Variants in SLC24A2 observed in about 807,000 individuals in gnomAD.
SLC24A2 encodes solute carrier family 24 member 2.
Under a neutral mutation model 62.0 loss-of-function variants are expected in SLC24A2, and 36 were observed. The ratio of observed to expected loss-of-function variants is 0.58; its 90% CI spans 0.44 to 0.77. The LOEUF is 0.77. Ranked by LOEUF, SLC24A2 falls within the 30% of genes least tolerant of loss-of-function variation. The pLI is 0.00. For missense variants in SLC24A2, 846 were observed against 817.9 expected (o/e 1.03, Z -0.42); for synonymous variants, 358 against 294.0 (o/e 1.22, Z -2.23).
At chr9:19,561,304 A>T (rs181510236) in intron 7 of SLC24A2, among the ~76,000 whole-genome samples, 2,676 of 151,404 alleles carry the variant, frequency 0.018, 16 homozygotes, top group African/African-American at 0.061. Flanking sequence ...CTTACCTCTT[A>T]TCCATAAGAT....
chr9:20,001,470 C>T, the SLC24A2 span, among the ~76,000 whole-genome samples: 2 of 152,228 alleles, frequency 1.3e-5, no homozygotes, highest in African/African-American at 4.8e-5. Flanking sequence ...CTCGCCCAAT[C>T]TGCTGAGCTG....
chr9:19,531,368 G>A (rs1225690816), intron 8 of SLC24A2, among the ~76,000 whole-genome samples: 1 of 152,150 alleles, frequency 6.6e-6, no homozygotes, highest in African/African-American at 2.4e-5. Flanking sequence ...TTGGAGCCAA[G>A]GTCTAACATG....
At chr9:20,239,237 A>G in the SLC24A2 span, among the ~76,000 whole-genome samples, 1 of 152,240 alleles carries the variant, frequency 6.6e-6, no homozygotes, top group African/African-American at 2.4e-5. Flanking sequence ...GTTACATTTG[A>G]ATTTCAGATA....
the SLC24A2 span, among the ~76,000 whole-genome samples, chr9:19,836,386 C>T: frequency 3.9e-5 from 6 of 152,118 alleles, 1 homozygote; most frequent in African/African-American, 1.2e-4. Context: ...TAAAAAATGA[C>T]AAAGGGGATA....
the SLC24A2 span, among the ~76,000 whole-genome samples, chr9:20,145,025 C>T: frequency 3.9e-5 from 6 of 151,992 alleles, no homozygotes; most frequent in East Asian, 5.8e-4. Flanking sequence ...GATAATCCAC[C>T]GAGCAGCAAC....
At chr9:19,543,271 G>T (rs1834371814) in intron 8 of SLC24A2, among the ~76,000 whole-genome samples, 1 of 152,070 alleles carries the variant, frequency 6.6e-6, no homozygotes, top group Admixed American at 6.6e-5. Flanking sequence ...GATCAGTGGT[G>T]ATATCCCCTT....
chr9:19,800,343 G>C, the SLC24A2 span, among the ~76,000 whole-genome samples: 2 of 152,234 alleles, frequency 1.3e-5, no homozygotes, highest in African/African-American at 4.8e-5. Flanking sequence ...TACTCTATTA[G>C]TCTATATCTT....
At chr9:20,183,560 A>C in the SLC24A2 span, among the ~76,000 whole-genome samples, 15 of 152,358 alleles carry the variant, frequency 9.8e-5, no homozygotes, top group African/African-American at 3.4e-4. Context: ...TTTTTAGGGA[A>C]TGCTTTTAGC....
intron 9 of SLC24A2, among the ~76,000 whole-genome samples, chr9:19,522,916 C>CTT (rs1833267443): frequency 6.6e-6 from 1 of 152,180 alleles, no homozygotes; most frequent in African/African-American, 2.4e-5. Flanking sequence ...TGAAGCATTG[C>CTT]CAAAGACTGA....
chr9:19,673,279 C>T (rs1819469207), intron 2 of SLC24A2, among the ~76,000 whole-genome samples: 1 of 146,516 alleles, frequency 6.8e-6, no homozygotes, highest in Non-Finnish European at 1.5e-5. Context: ...GTCCTTTTAT[C>T]ATTATATAAT....
intron 2 of SLC24A2, among the ~76,000 whole-genome samples, chr9:19,684,531 A>G (rs1378566576): frequency 6.6e-6 from 1 of 152,082 alleles, no homozygotes; most frequent in Non-Finnish European, 1.5e-5. Flanking sequence ...TAACAGCACC[A>G]AATAACTAAG....
At chr9:19,589,003 G>A (rs1241355990) in intron 5 of SLC24A2, among the ~76,000 whole-genome samples, 1 of 152,198 alleles carries the variant, frequency 6.6e-6, no homozygotes, top group African/African-American at 2.4e-5. Context: ...TTCATTGTTA[G>A]TGTGAGCATA....
chr9:20,159,625 A>G, the SLC24A2 span, among the ~76,000 whole-genome samples: 1 of 151,392 alleles, frequency 6.6e-6, no homozygotes, highest in Non-Finnish European at 1.5e-5. Flanking sequence ...AGGAGAGAGA[A>G]AGGGAAAAGT....
At chr9:19,983,744 A>C in the SLC24A2 span, among the ~76,000 whole-genome samples, 1 of 152,204 alleles carries the variant, frequency 6.6e-6, no homozygotes, top group East Asian at 1.9e-4. Flanking sequence ...ATGCAATTGA[A>C]TATAAACACC....
intron 7 of SLC24A2, among the ~76,000 whole-genome samples, chr9:19,564,438 A>G (rs887649951): frequency 5.9e-5 from 9 of 152,220 alleles, no homozygotes; most frequent in African/African-American, 2.2e-4. Flanking sequence ...AGAGCTTAAT[A>G]TGGCAAGGTA....
chr9:20,005,486 C>T, the SLC24A2 span, among the ~76,000 whole-genome samples: 2 of 151,846 alleles, frequency 1.3e-5, no homozygotes, highest in Non-Finnish European at 2.9e-5. Context: ...TGAGGAAATA[C>T]ACAATAAGAT....
chr9:19,905,717 C>T, the SLC24A2 span, among the ~76,000 whole-genome samples: 1 of 152,092 alleles, frequency 6.6e-6, no homozygotes, highest in Non-Finnish European at 1.5e-5. Context: ...CTTTAGGGAC[C>T]TCCTATTTTC....
chr9:20,046,108 T>C, the SLC24A2 span, among the ~76,000 whole-genome samples: 1 of 152,222 alleles, frequency 6.6e-6, no homozygotes, highest in African/African-American at 2.4e-5. Context: ...GGTGTCCTCA[T>C]CTTGTTTCAT....
intron 2 of SLC24A2, among the ~76,000 whole-genome samples, chr9:19,720,268 T>C (rs1442817475): frequency 6.6e-6 from 1 of 152,212 alleles, no homozygotes; most frequent in African/African-American, 2.4e-5. Flanking sequence ...CTATCTAAAA[T>C]AAAAGCTGAA....
Sources: allele counts gnomAD v4.1 joint callset (sites outside exome capture counted in the v4.1 genomes callset), GRCh38; gene constraint gnomAD v4.1.1; transcripts MANE v1.5; gene names NCBI Gene and HGNC (gene_info 2026-07-23, HGNC 2026-07-21).